Variants in KRT86 observed in about 807,000 individuals in gnomAD.
KRT86 encodes keratin, type II cuticular Hb6.
Under a neutral mutation model 41.2 loss-of-function variants are expected in KRT86, and 30 were observed. The observed-to-expected ratio is 0.73, with a 90% confidence interval of 0.54 to 0.99. The LOEUF (loss-of-function observed/expected upper bound fraction) is 0.99. Among genes scored for constraint, KRT86 ranks in the 50% least tolerant of loss-of-function variants. The pLI is 0.00. For missense variants in KRT86, 561 were observed against 571.4 expected (o/e 0.98, Z 0.19); for synonymous variants, 238 against 238.1 (o/e 1.00, Z 0.00).
chr12:52,281,602 A>C (rs1360796483), intron 2 of KRT86, among the ~76,000 whole-genome samples: 2 of 152,162 alleles, frequency 1.3e-5, no homozygotes, highest in African/African-American at 4.8e-5. Context: ...ACCAGCCTGG[A>C]GTAAGGAAGG....
At chr12:52,308,189 G>C (rs1352958673) in intron 9 of KRT86, 44 bp from the exon 10 acceptor site, 1 of 1,613,754 alleles carries the variant, frequency 6.2e-7, no homozygotes, top group Non-Finnish European at 8.5e-7. Context: ...CGGGGGCCCG[G>C]CGCCTTTTCC....
intron 2 of KRT86, among the ~76,000 whole-genome samples, chr12:52,285,454 C>T (rs569260289): frequency 6.6e-6 from 1 of 152,222 alleles, no homozygotes; most frequent in African/African-American, 2.4e-5. Context: ...CAATAAATTA[C>T]TCAGGCATGA....
At chr12:52,301,697 T>C in intron 2 of KRT86, 1 of 378,164 alleles carries the variant, frequency 2.6e-6, no homozygotes, top group Non-Finnish European at 3.6e-6. Flanking sequence ...ATCTGGCTGC[T>C]TCTGGGCACC....
chr12:52,296,993 C>T (rs1228809709), intron 2 of KRT86, among the ~76,000 whole-genome samples: 1 of 152,224 alleles, frequency 6.6e-6, no homozygotes, highest in Non-Finnish European at 1.5e-5. Context: ...CTCCCTCTCT[C>T]TCCGCTGTCA....
chr12:52,285,885 G>A (rs1030681747), intron 2 of KRT86: 16 of 336,472 alleles, frequency 4.8e-5, no homozygotes, highest in African/African-American at 1.7e-4. Flanking sequence ...CCCTGAGGAG[G>A]GTAATAGAGA....
chr12:52,291,630 G>T, intron 2 of KRT86: 2 of 1,115,712 alleles, frequency 1.8e-6, no homozygotes, highest in Non-Finnish European at 2.5e-6. Flanking sequence ...TATGGGCTTG[G>T]GTGGTTAGCC....
chr12:52,299,620 C>T (rs1025024319), intron 2 of KRT86, among the ~76,000 whole-genome samples: 1 of 152,050 alleles, frequency 6.6e-6, no homozygotes, highest in Non-Finnish European at 1.5e-5. Flanking sequence ...ATTTTTTTGT[C>T]TTTTTGATAA....
chr12:52,305,090 G>C (rs949056226), intron 6 of KRT86, 63 bp downstream of exon 6: 4 of 1,609,416 alleles, frequency 2.5e-6, no homozygotes, highest in Non-Finnish European at 2.5e-6. Flanking sequence ...GGGGGTGGGA[G>C]TGTTGGACAG....
chr12:52,304,566 G>A (rs1033450938), intron 5 of KRT86, among the ~76,000 whole-genome samples: 1 of 151,914 alleles, frequency 6.6e-6, no homozygotes, highest in African/African-American at 2.4e-5. Context: ...AAGGGGGGAT[G>A]GAGAAGAACC....
chr12:52,297,263 C>A (rs1592432457), intron 2 of KRT86, among the ~76,000 whole-genome samples: 1 of 152,208 alleles, frequency 6.6e-6, no homozygotes, highest in East Asian at 1.9e-4. Context: ...GCCTCAGTAT[C>A]TGACAGTATG....
intron 2 of KRT86, among the ~76,000 whole-genome samples, chr12:52,276,252 A>G (rs1263454706): frequency 2.0e-5 from 3 of 152,174 alleles, no homozygotes; most frequent in Admixed American, 2.0e-4. Flanking sequence ...TTTCTCGCTC[A>G]GTATTACATT....
Position 52,305,260 on chromosome 12 carries a change from C to G in KRT86, c.756C>G (p.Ser252=), listed in dbSNP as rs61915660. The change falls in exon 7 of 11, where the codon TCC becomes TCG. Residue 252 remains serine, a synonymous_variant. Coordinates refer to ENST00000423955, the MANE Select transcript of KRT86 (RefSeq NM_001320198.2). ...TGCAGGAGATCCGCGTTCTCCAGTC[C>G]CACATCTCAGACACCTCCGTGGTTG... ...LYEEEIRVLQ[S]HISDTSVVVK... 2,372 of 1,609,520 alleles carry G rather than the reference C, an allele frequency of 1.5e-3. 17 individuals are homozygous for G. In the Admixed American group the frequency reaches 0.017, roughly 11 times the overall value.
chr12:52,278,125 T>C (rs1187283610), intron 2 of KRT86, among the ~76,000 whole-genome samples: 1 of 152,158 alleles, frequency 6.6e-6, no homozygotes, highest in African/African-American at 2.4e-5. Flanking sequence ...GGGCTTGGCT[T>C]TCAACTCAGT....
intron 2 of KRT86, among the ~76,000 whole-genome samples, chr12:52,293,512 A>C (rs2121264636): frequency 6.6e-6 from 1 of 152,286 alleles, no homozygotes; most frequent in South Asian, 2.1e-4. Flanking sequence ...AGTCCATCTA[A>C]GGAAGACGGG....
chr12:52,292,725 G>A (rs1483962361), intron 2 of KRT86, among the ~76,000 whole-genome samples: 1 of 152,052 alleles, frequency 6.6e-6, no homozygotes, highest in East Asian at 1.9e-4. Flanking sequence ...ACAGCACTGG[G>A]CTAGAGGCTG....
chr12:52,287,802 G>T, intron 2 of KRT86: 1 of 1,612,588 alleles, frequency 6.2e-7, no homozygotes, highest in Non-Finnish European at 8.5e-7. Context: ...TTTGCAGGTT[G>T]TACAGTGCTC....
At chr12:52,282,665 G>A (rs947868875) in intron 2 of KRT86, among the ~76,000 whole-genome samples, 5 of 152,182 alleles carry the variant, frequency 3.3e-5, no homozygotes, top group Admixed American at 2.0e-4. Flanking sequence ...TAGAGCAAGG[G>A]CTCCTTGGCC....
At chr12:52,282,858 G>A (rs1937808160) in intron 2 of KRT86, among the ~76,000 whole-genome samples, 1 of 152,142 alleles carries the variant, frequency 6.6e-6, no homozygotes, top group South Asian at 2.1e-4. Flanking sequence ...ATGCACACAT[G>A]TCCACCATGT....
intron 2 of KRT86, among the ~76,000 whole-genome samples, chr12:52,301,420 C>A (rs113101554): frequency 0.011 from 1,656 of 152,098 alleles, 24 homozygotes; most frequent in African/African-American, 0.037. Flanking sequence ...AAGCGCCCCC[C>A]AAGTTCCACA....
Sources: allele counts gnomAD v4.1 joint callset (sites outside exome capture counted in the v4.1 genomes callset), GRCh38; gene constraint gnomAD v4.1.1; transcripts MANE v1.5; gene names NCBI Gene and HGNC (gene_info 2026-07-23, HGNC 2026-07-21).